MGRN1: variants seen among roughly 807,000 people sequenced by gnomAD.
MGRN1 encodes the protein E3 ubiquitin-protein ligase MGRN1.
In MGRN1, 29 loss-of-function variants were observed where a neutral mutation model predicts 69.2. That is an observed-to-expected ratio of 0.42 (90% CI 0.31 to 0.57). The LOEUF (loss-of-function observed/expected upper bound fraction) is 0.57, where lower values mean the gene tolerates loss of function less well. Among genes scored for constraint, MGRN1 ranks in the 20% least tolerant of loss-of-function variants. The pLI is 0.15. For synonymous variants in MGRN1, 470 were observed against 344.2 expected, an observed-to-expected ratio of 1.37 and a Z score of -4.04; for missense variants, 998 against 796.2, an observed-to-expected ratio of 1.25 and a Z score of -3.05.
intron 5 of MGRN1, 100 bp downstream of exon 5, chr16:4,657,463 C>T (rs990315922): frequency 2.5e-6 from 3 of 1,202,104 alleles, no homozygotes; most frequent in Admixed American, 3.5e-5. Context: ...TGGCTTCCTC[C>T]AGGGTTCATA....
At chr16:4,683,419 TC>T in intron 15 of MGRN1, 150 bp downstream of exon 15, 1 of 931,212 alleles carries the variant, frequency 1.1e-6, no homozygotes, top group South Asian at 1.6e-5. Flanking sequence ...GGCACTGGGA[TC>T]CCGGCTGGGA....
intron 5 of MGRN1, among the ~76,000 whole-genome samples, chr16:4,662,516 A>C (rs1436220495): frequency 7.3e-6 from 1 of 137,780 alleles, no homozygotes; most frequent in Non-Finnish European, 1.6e-5. Context: ...ACTCTGTCTC[A>C]AAAAAAAAAA....
In MGRN1 at chr16:4,680,072, C is replaced by T. The variant is rs752548668; in HGVS notation, c.1106C>T (p.Ala369Val). 10 of 1,613,988 alleles carry T rather than the reference C, an allele frequency of 6.2e-6. No individual in the cohort carries two copies. The South Asian group carries it at 8.8e-5, about 14-fold the overall frequency. The change falls in exon 12 of 17, where the codon GCC becomes GTC. Residue 369 changes from alanine (A) to valine (V), a missense_variant. Physicochemically the swap from Ala to Val is moderately conservative, Grantham distance 64. Coordinates refer to ENST00000262370, the MANE Select transcript of MGRN1 (RefSeq NM_015246.4). Reference sequence around the variant, plus strand: ...TCAAAGCCGCACCCCGCCTCCCTGGCCAGCAAGAAACCTAAAAGGGAAACA... The same window carrying T: ...TCAAAGCCGCACCCCGCCTCCCTGGTCAGCAAGAAACCTAAAAGGGAAACA... Reference protein sequence around the residue: ...KKSKPHPASLASKKPKRETNS... With the variant: ...KKSKPHPASLVSKKPKRETNS...
chr16:4,627,550 G>A (rs965327824), intron 1 of MGRN1, among the ~76,000 whole-genome samples: 11 of 152,226 alleles, frequency 7.2e-5, no homozygotes, highest in African/African-American at 2.7e-4. Flanking sequence ...CACTTTGGGA[G>A]GCCAAGGCGG....
At chr16:4,661,741 C>T (rs2078686538) in intron 5 of MGRN1, among the ~76,000 whole-genome samples, 1 of 152,226 alleles carries the variant, frequency 6.6e-6, no homozygotes, top group East Asian at 1.9e-4. Context: ...CGTTGTTGTC[C>T]ATCCCATGGG....
chr16:4,687,979 C>T lies in MGRN1; in HGVS notation c.1619-817C>T, dbSNP rs550167987. ...CGGCCTGCGCATCGGTGGAAGGTGCCGTGCGAATGTCACGATTCAGGTCAA... is the reference window on the plus strand; with the variant it reads ...CGGCCTGCGCATCGGTGGAAGGTGCTGTGCGAATGTCACGATTCAGGTCAA... On this transcript the variant is annotated intron_variant, in intron 16 of 16. Coordinates refer to ENST00000262370, the MANE Select transcript of MGRN1 (RefSeq NM_015246.4). 135 of 985,678 alleles carry T rather than the reference C, an allele frequency of 1.4e-4. No homozygotes were observed. In the Middle Eastern group the frequency reaches 2.1e-3, roughly 15 times the overall value. 61.1% of individuals were successfully genotyped at this position (985,678 alleles called of 1,614,324 possible). A position where few individuals can be genotyped will look rare whatever the true frequency, so the allele number is the denominator to read the frequency against.
chr16:4,655,805 C>T (rs551107820), intron 4 of MGRN1, among the ~76,000 whole-genome samples: 3 of 152,354 alleles, frequency 2.0e-5, no homozygotes. Flanking sequence ...AGCTGCAGGG[C>T]AAGCCACCCT....
At chr16:4,650,131 C>T (rs149070114) in intron 1 of MGRN1, 9,996 of 396,470 alleles carry the variant, frequency 0.025, 188 homozygotes, top group South Asian at 0.04. Flanking sequence ...GGTGAAACCC[C>T]GTCTCCACTA....
chr16:4,664,176 A>C (rs1304619056), intron 5 of MGRN1: 1 of 168,520 alleles, frequency 5.9e-6, no homozygotes, highest in Non-Finnish European at 1.3e-5. Context: ...ATATCCACAC[A>C]GTGCCTGTTA....
At chr16:4,628,451 A>G (rs1198313463) in intron 1 of MGRN1, among the ~76,000 whole-genome samples, 2 of 151,608 alleles carry the variant, frequency 1.3e-5, no homozygotes, top group Non-Finnish European at 2.9e-5. Context: ...TTGTGCAGTC[A>G]TCACCACAAT....
rs2079429063 is a variant in MGRN1, at chr16:4,690,375, G to C, written c.*1467G>C. On this transcript the variant is annotated 3_prime_UTR_variant, in exon 17 of 17. Coordinates refer to ENST00000262370, the MANE Select transcript of MGRN1 (RefSeq NM_015246.4). Reference sequence around the variant, plus strand: ...GAGGGCTGCCCTGCAGCTGGGCCTGGGGACAGGTCGGCTGTGGGGCAGCTC... The same window carrying C: ...GAGGGCTGCCCTGCAGCTGGGCCTGCGGACAGGTCGGCTGTGGGGCAGCTC... The C allele has an allele frequency of 1.3e-5, 2 of 152,110 alleles. No homozygotes were observed. The allele number at this position is 152,110 out of a possible 1,614,324, so 9.4% of individuals were successfully genotyped here. A position where few individuals can be genotyped will look rare whatever the true frequency, so the allele number is the denominator to read the frequency against.
At chr16:4,630,117 T>G (rs576665932) in intron 1 of MGRN1, among the ~76,000 whole-genome samples, 1 of 146,450 alleles carries the variant, frequency 6.8e-6, no homozygotes, top group Admixed American at 6.9e-5. Context: ...TTTGGGAGAC[T>G]GAGATGGGTG....
At chr16:4,675,138 A>G (rs2079028569) in intron 10 of MGRN1, among the ~76,000 whole-genome samples, 1 of 150,898 alleles carries the variant, frequency 6.6e-6, no homozygotes, top group East Asian at 2.0e-4. Context: ...ATGCCCGGCT[A>G]TTTTGTGTAT....
intron 10 of MGRN1, among the ~76,000 whole-genome samples, chr16:4,676,314 C>G (rs1017426718): frequency 2.0e-5 from 3 of 152,184 alleles, no homozygotes; most frequent in Non-Finnish European, 4.4e-5. Context: ...GGTGGGCTGT[C>G]TAGGAAGGTT....
At chr16:4,676,814 G>A (rs1470842881) in intron 10 of MGRN1, 1 of 152,492 alleles carries the variant, frequency 6.6e-6, no homozygotes, top group Non-Finnish European at 1.5e-5. Flanking sequence ...TCTGCTCCCA[G>A]TGGCTGCTGT....
At chr16:4,654,800 A>G (rs62037134) in intron 4 of MGRN1, among the ~76,000 whole-genome samples, 1,943 of 152,050 alleles carry the variant, frequency 0.013, 19 homozygotes, top group Non-Finnish European at 0.021. Context: ...TTATGTGGGG[A>G]GGTTCTTAGG....
intron 1 of MGRN1, among the ~76,000 whole-genome samples, chr16:4,647,989 G>T (rs2078309728): frequency 6.6e-6 from 1 of 152,240 alleles, no homozygotes; most frequent in South Asian, 2.1e-4. Context: ...TGTAACTGGG[G>T]CCGTGGTTCT....
At chr16:4,660,363 CG>C (rs2078649435) in intron 5 of MGRN1, among the ~76,000 whole-genome samples, 1 of 152,216 alleles carries the variant, frequency 6.6e-6, no homozygotes, top group Admixed American at 6.5e-5. Flanking sequence ...ACTGTAAACC[CG>C]TCTGCCAGCC....
chr16:4,669,464 G>T (rs1340619442), intron 8 of MGRN1, among the ~76,000 whole-genome samples: 1 of 144,612 alleles, frequency 6.9e-6, no homozygotes, highest in East Asian at 2.0e-4. Context: ...GCAACAGCCT[G>T]TTGACTTCCC....
Sources: gnomAD v4.1 joint callset for allele counts (sites outside exome capture counted in the v4.1 genomes callset) on GRCh38, gnomAD v4.1.1 for gene constraint, MANE v1.5 for transcripts, NCBI Gene and HGNC (gene_info 2026-07-23, HGNC 2026-07-21) for gene names.